Variants in RHEB observed in about 807,000 individuals in gnomAD.
RHEB encodes the protein Ras homolog, mTORC1 binding, also known as GTP-binding protein Rheb.
Under a neutral mutation model 28.8 loss-of-function variants are expected in RHEB, and 2 were observed. The observed-to-expected ratio is 0.07, with a 90% confidence interval of 0.03 to 0.22. The LOEUF (loss-of-function observed/expected upper bound fraction) is 0.22. Among genes scored for constraint, RHEB ranks in the 10% least tolerant of loss-of-function variants. The pLI is 1.00. For synonymous variants in RHEB, 69 were observed against 77.3 expected, an observed-to-expected ratio of 0.89 and a Z score of 0.56; for missense variants, 76 against 219.9, an observed-to-expected ratio of 0.35 and a Z score of 4.14.
intron 1 of RHEB, among the ~76,000 whole-genome samples, chr7:151,518,540 T>A (rs1803122035): frequency 6.6e-6 from 1 of 152,126 alleles, no homozygotes; most frequent in Admixed American, 6.5e-5. Flanking sequence ...AGCCTCACCC[T>A]GAAGCGTGTC....
At chr7:151,486,171 G>A (rs1431944013) in intron 2 of RHEB, among the ~76,000 whole-genome samples, 1 of 152,224 alleles carries the variant, frequency 6.6e-6, no homozygotes, top group Non-Finnish European at 1.5e-5. Context: ...AGTCACGTGA[G>A]ATTGAAGTGT....
intron 1 of RHEB, chr7:151,502,843 T>C: frequency 4.8e-6 from 5 of 1,046,452 alleles, no homozygotes; most frequent in Non-Finnish European, 7.5e-6. Flanking sequence ...TAGTTTTAGC[T>C]GGATCTGCTG....
rs1479771776 is a variant in RHEB at position 151,472,063 on chromosome 7, A to G, written c.276-458T>C. The G allele has an allele frequency of 6.5e-6, 1 of 154,794 alleles. No individual in the cohort carries two copies. The highest frequency in any genetic ancestry group is 2.4e-5 in the African/African-American group (1 of 41,508). 9.6% of individuals were successfully genotyped at this position (154,794 alleles called of 1,614,324 possible). ...AGATCAATGAGCCGATGACTCTAGGATGGAGGTGGCTCTCACCGGGAAGGG... is the reference window on the plus strand; with the variant it reads ...AGATCAATGAGCCGATGACTCTAGGGTGGAGGTGGCTCTCACCGGGAAGGG... On this transcript the variant is annotated intron_variant, in intron 4 of 7. Coordinates refer to ENST00000262187, the MANE Select transcript of RHEB (RefSeq NM_005614.4). This position sits in a 1 kb window ranked among gnomAD's most constrained non-coding sequence, Gnocchi z 5.2.
In RHEB at chr7:151,467,220, A is replaced by T. The variant is rs368150276; in HGVS notation, c.463-9T>A. The T allele has an allele frequency of 1.3e-6, 2 of 1,599,358 alleles. No homozygotes were observed. Among genetic ancestry groups the T allele is most frequent in the Admixed American group, 1.7e-5 (1 of 59,986 alleles). ...AAAACATCCACAGCAGTCTGAAAAG[A>T]GAAAGAAACCCAATCACAGTGTTAG... On this transcript the variant is annotated splice_polypyrimidine_tract_variant and intron_variant, in intron 7 of 7. Coordinates refer to ENST00000262187, the MANE Select transcript of RHEB (RefSeq NM_005614.4).
chr7:151,479,380 C>T (rs1802330254), intron 3 of RHEB, among the ~76,000 whole-genome samples: 1 of 151,928 alleles, frequency 6.6e-6, no homozygotes, highest in Admixed American at 6.6e-5. Context: ...AATACATTAT[C>T]AGTTAAAAAA....
intron 1 of RHEB, chr7:151,502,381 A>T: frequency 1.2e-6 from 1 of 809,526 alleles, no homozygotes; most frequent in Non-Finnish European, 2.2e-6. Context: ...AGGCAGGAGT[A>T]AACCGCCATC....
chr7:151,506,186 T>A (rs994058175), intron 1 of RHEB, among the ~76,000 whole-genome samples: 2 of 151,830 alleles, frequency 1.3e-5, no homozygotes, highest in African/African-American at 4.8e-5. Context: ...ATAATGCATT[T>A]ACTTTTTTTT....
At chr7:151,502,163 G>A (rs931675061) in intron 1 of RHEB, 2 of 435,074 alleles carry the variant, frequency 4.6e-6, no homozygotes, top group African/African-American at 4.1e-5. Context: ...GTGAACCCGG[G>A]AGGCTTATGT....
intron 1 of RHEB, among the ~76,000 whole-genome samples, chr7:151,515,917 G>A (rs1803068927): frequency 6.6e-6 from 1 of 152,142 alleles, no homozygotes; most frequent in South Asian, 2.1e-4. Context: ...TATGTAAGAG[G>A]CTTATATATG....
chr7:151,483,448 G>A (rs754927355), intron 3 of RHEB, among the ~76,000 whole-genome samples: 1 of 152,066 alleles, frequency 6.6e-6, no homozygotes, highest in Non-Finnish European at 1.5e-5. Flanking sequence ...GCCAGGCATG[G>A]TGGCTCATGC....
chr7:151,487,517 G>A (rs1380275784), intron 2 of RHEB, among the ~76,000 whole-genome samples: 1 of 146,740 alleles, frequency 6.8e-6, no homozygotes, highest in Non-Finnish European at 1.5e-5. Flanking sequence ...TGTACATAGT[G>A]TATAAAAGAA....
At chr7:151,512,639 G>A (rs146456679) in intron 1 of RHEB, among the ~76,000 whole-genome samples, 208 of 152,234 alleles carry the variant, frequency 1.4e-3, no homozygotes, top group Non-Finnish European at 2.4e-3. Context: ...CTCTCACAAC[G>A]CTACAGGGCC....
rs966948251 is a variant in RHEB, at chr7:151,468,585, C to A, written c.463-1374G>T. Among the ~76,000 whole-genome samples, 3 of 152,240 alleles carry A rather than the reference C, an allele frequency of 2.0e-5. No individual in the cohort carries two copies. The highest frequency in any genetic ancestry group is 7.2e-5 in the African/African-American group (3 of 41,462). Reference sequence around the variant, plus strand: ...TTGTCCCTTCTCCTCAAATGTTCCCCGTGCTTACGCTCAGCTGAAAACCTT... The same window carrying A: ...TTGTCCCTTCTCCTCAAATGTTCCCAGTGCTTACGCTCAGCTGAAAACCTT... On this transcript the variant is annotated intron_variant, in intron 7 of 7. Transcript: ENST00000262187. This position sits in a 1 kb window ranked among gnomAD's most constrained non-coding sequence, Gnocchi z 4.3.
chr7:151,479,913 A>G (rs1802352345), intron 3 of RHEB, among the ~76,000 whole-genome samples: 1 of 152,206 alleles, frequency 6.6e-6, no homozygotes, highest in Non-Finnish European at 1.5e-5. Flanking sequence ...CACAGACAGG[A>G]TAATTCATAG....
chr7:151,486,198 G>C (rs1323507160), intron 2 of RHEB, among the ~76,000 whole-genome samples: 1 of 152,198 alleles, frequency 6.6e-6, no homozygotes, highest in Non-Finnish European at 1.5e-5. Flanking sequence ...GATTTGATGA[G>C]AAGTATGTAA....
At chr7:151,512,183 G>A (rs1803004020) in intron 1 of RHEB, among the ~76,000 whole-genome samples, 1 of 152,166 alleles carries the variant, frequency 6.6e-6, no homozygotes, top group African/African-American at 2.4e-5. Flanking sequence ...GTTCAGTTCT[G>A]ATTTATTCAA....
chr7:151,507,495 G>A (rs1305772253), intron 1 of RHEB, among the ~76,000 whole-genome samples: 1 of 152,180 alleles, frequency 6.6e-6, no homozygotes, highest in African/African-American at 2.4e-5. Flanking sequence ...AGAGTCAGAT[G>A]AGAGTGTGTG....
At chr7:151,481,381 C>T (rs140458188) in intron 3 of RHEB, among the ~76,000 whole-genome samples, 11 of 152,170 alleles carry the variant, frequency 7.2e-5, no homozygotes, top group Non-Finnish European at 1.6e-4. Context: ...CAATTCACTG[C>T]GTGCAATTTC....
chr7:151,507,551 G>C (rs1410158461), intron 1 of RHEB, among the ~76,000 whole-genome samples: 1 of 152,118 alleles, frequency 6.6e-6, no homozygotes. Context: ...CCTAAAAAGT[G>C]AGACACCGTT....
Sources: allele counts gnomAD v4.1 joint callset (sites outside exome capture counted in the v4.1 genomes callset), GRCh38; gene constraint gnomAD v4.1.1; non-coding constraint Gnocchi (gnomAD v3.1); transcripts MANE v1.5; gene names NCBI Gene and HGNC (gene_info 2026-07-23, HGNC 2026-07-21).